TESC: variants seen among roughly 807,000 people sequenced by gnomAD.
The protein encoded by TESC is tescalcin, also known as calcineurin B homologous protein 3.
A neutral mutation model predicts 31.0 loss-of-function variants in TESC; 19 were observed. The ratio of observed to expected loss-of-function variants is 0.61; its 90% CI spans 0.43 to 0.90. The LOEUF (loss-of-function observed/expected upper bound fraction) is 0.90. Ranked by LOEUF, TESC falls within the 40% of genes least tolerant of loss-of-function variation. The pLI, the probability that TESC is intolerant of heterozygous loss-of-function variation, is 0.00. For missense variants in TESC, 248 were observed against 303.8 expected, an observed-to-expected ratio of 0.82 and a Z score of 1.36; for synonymous variants, 109 against 114.8, an observed-to-expected ratio of 0.95 and a Z score of 0.32.
chr12:117,093,102 AC>A (rs1322376915), intron 1 of TESC, among the ~76,000 whole-genome samples: 7 of 151,998 alleles, frequency 4.6e-5, no homozygotes, highest in Admixed American at 3.3e-4. Flanking sequence ...TGGCTGGTCC[AC>A]CCTGGCCCAT....
intron 6 of TESC, among the ~76,000 whole-genome samples, chr12:117,045,257 C>A (rs1029014259): frequency 6.6e-6 from 1 of 152,230 alleles, no homozygotes; most frequent in Non-Finnish European, 1.5e-5. Context: ...GCAGCGGGTA[C>A]GCCCCGGAGC....
intron 1 of TESC, among the ~76,000 whole-genome samples, chr12:117,085,121 G>A (rs890709606): frequency 6.6e-6 from 1 of 152,230 alleles, no homozygotes; most frequent in Non-Finnish European, 1.5e-5. Flanking sequence ...TGCCCAATGG[G>A]GTTCTGGGGG....
chr12:117,066,887 T>C (rs1401842182), intron 2 of TESC, among the ~76,000 whole-genome samples: 1 of 152,162 alleles, frequency 6.6e-6, no homozygotes, highest in African/African-American at 2.4e-5. Context: ...TCAACCATCC[T>C]GGGAAAAGAA....
At position 117,067,489 on chromosome 12, in the gene TESC, T is replaced by A. The variant is rs549932432; in HGVS notation, c.128+7782A>T. 3.9e-5 allele frequency among the ~76,000 whole-genome samples: 6 copies of A among 152,254 alleles called. No homozygotes were observed. In the South Asian group the frequency reaches 1.2e-3, roughly 32 times the overall value. ...CAGGAGGCTGAGGCAGGATGATCGC[T>A]TGAGCCCGGGAGTCGGAGGCTGCAG... On this transcript the variant is annotated intron_variant, in intron 2 of 7. Transcript: ENST00000335209.
intron 1 of TESC, among the ~76,000 whole-genome samples, chr12:117,096,434 A>G (rs1955396746): frequency 6.6e-6 from 1 of 152,122 alleles, no homozygotes; most frequent in Non-Finnish European, 1.5e-5. Flanking sequence ...AAATCCACAC[A>G]ATGACTTCAG....
chr12:117,052,659 G>A (rs1954664381), intron 3 of TESC, among the ~76,000 whole-genome samples: 1 of 152,104 alleles, frequency 6.6e-6, no homozygotes, highest in African/African-American at 2.4e-5. Context: ...GCTCAGCCCA[G>A]GAGATCCCTG....
intron 6 of TESC, among the ~76,000 whole-genome samples, chr12:117,045,528 C>T (rs1002873263): frequency 5.9e-5 from 9 of 152,184 alleles, no homozygotes; most frequent in East Asian, 3.9e-4. Flanking sequence ...CTGCTGAGTG[C>T]GGAGGTTTCA....
chr12:117,093,367 T>C (rs1955341613), intron 1 of TESC, among the ~76,000 whole-genome samples: 1 of 152,258 alleles, frequency 6.6e-6, no homozygotes, highest in African/African-American at 2.4e-5. Context: ...CAGTCCTCCC[T>C]GCCATCTCTA....
intron 2 of TESC, among the ~76,000 whole-genome samples, chr12:117,064,611 C>A (rs112148904): frequency 3.9e-5 from 6 of 152,236 alleles, no homozygotes; most frequent in African/African-American, 1.4e-4. Flanking sequence ...TACGGGGAAT[C>A]TAGGAGAGCA....
rs145871840 is a variant in TESC, at chr12:117,094,454, G to A, written c.58+4771C>T. 8.5e-5 allele frequency among the ~76,000 whole-genome samples: 13 copies of A among 152,250 alleles called. No individual in the cohort carries two copies. The East Asian group carries it at 2.5e-3, about 29-fold the overall frequency. On this transcript the variant is annotated intron_variant, in intron 1 of 7. Transcript: ENST00000335209. Reference sequence around the variant, plus strand: ...TCCCCAGGGACTGTGCCCCTTTAACGTGAGCCTCTTATGCTCTCACTGAAC... The same window carrying A: ...TCCCCAGGGACTGTGCCCCTTTAACATGAGCCTCTTATGCTCTCACTGAAC...
rs536719566 is a variant in TESC, at chr12:117,086,383, T to C, written c.59-11043A>G. On this transcript the variant is annotated intron_variant, in intron 1 of 7. Coordinates refer to ENST00000335209, the MANE Select transcript of TESC (RefSeq NM_017899.4). ...TCCCAAAGTGCTGGGATTACAAGCATGAGCCACTGCTCCTGGCCTGAACTG... is the reference window on the plus strand; with the variant it reads ...TCCCAAAGTGCTGGGATTACAAGCACGAGCCACTGCTCCTGGCCTGAACTG... Among the ~76,000 whole-genome samples the C allele has an allele frequency of 9.2e-5, 14 of 152,184 alleles. No individual in the cohort carries two copies. The South Asian group carries it at 2.9e-3, about 32-fold the overall frequency.
intron 1 of TESC, among the ~76,000 whole-genome samples, chr12:117,075,913 A>ATATATATATATATGTGTG (rs1265957613): frequency 1.9e-5 from 1 of 51,964 alleles, no homozygotes; most frequent in Non-Finnish European, 3.3e-5. Context: ...ATATATATAT[A>ATATATATATATATGTGTG]TGTGTGTGTG....
chr12:117,057,319 T>C (rs1954739679), intron 2 of TESC, among the ~76,000 whole-genome samples: 1 of 152,148 alleles, frequency 6.6e-6, no homozygotes, highest in South Asian at 2.1e-4. Flanking sequence ...TGGCTGGTCT[T>C]GAACTCCTGG....
chr12:117,068,479 A>C (rs1355780421), intron 2 of TESC, among the ~76,000 whole-genome samples: 1 of 152,196 alleles, frequency 6.6e-6, no homozygotes, highest in Non-Finnish European at 1.5e-5. Context: ...CAGTGAGCCA[A>C]GATCGCGCCA....
At chr12:117,061,795 TG>T (rs1222557251) in intron 2 of TESC, among the ~76,000 whole-genome samples, 6 of 152,112 alleles carry the variant, frequency 3.9e-5, no homozygotes, top group African/African-American at 1.4e-4. Context: ...TCAAAGGGGA[TG>T]GTTCAGGGTC....
At chr12:117,099,110 G>C (rs1362926352) in intron 1 of TESC, 115 bp downstream of exon 1, 2 of 1,147,420 alleles carry the variant, frequency 1.7e-6, no homozygotes, top group African/African-American at 1.6e-5. Flanking sequence ...CTGAGGCGCA[G>C]AGAGGGCCCG....
chr12:117,097,032 G>A (rs570396918), intron 1 of TESC, among the ~76,000 whole-genome samples: 70 of 152,314 alleles, frequency 4.6e-4, no homozygotes, highest in Non-Finnish European at 7.5e-4. Context: ...CCTGTCGGGC[G>A]TTTTGTTTAC....
In TESC at chr12:117,039,189, C is replaced by G; in HGVS notation, c.589G>C (p.Glu197Gln). Residue 197 changes from glutamate (E) to glutamine (Q), a missense_variant, in exon 8 of 8, where the codon GAG (glutamate) becomes CAG (glutamine). Glu to Gln is a conservative substitution (Grantham distance 29, BLOSUM62 2). Transcript: ENST00000335209. ...FLKIWQGIDI[E>Q]TKMHVRFLNM... ...AGGAAGCGGACGTGCATCTTGGTCTCAATGTCGATCCCCTGCCAGATCTGG... is the reference window on the plus strand; with the variant it reads ...AGGAAGCGGACGTGCATCTTGGTCTGAATGTCGATCCCCTGCCAGATCTGG... 1 of 1,613,936 alleles carries G rather than the reference C, an allele frequency of 6.2e-7. No individual in the cohort carries two copies. Among genetic ancestry groups the G allele is most frequent in the East Asian group, 2.2e-5 (1 of 44,860 alleles).
intron 1 of TESC, among the ~76,000 whole-genome samples, chr12:117,090,657 T>C (rs1326923451): frequency 6.6e-6 from 1 of 152,190 alleles, no homozygotes; most frequent in East Asian, 1.9e-4. Context: ...AACCCACATC[T>C]ATCTGCTGGA....
Sources: allele counts gnomAD v4.1 joint callset (sites outside exome capture counted in the v4.1 genomes callset), GRCh38; gene constraint gnomAD v4.1.1; transcripts MANE v1.5; gene names NCBI Gene and HGNC (gene_info 2026-07-23, HGNC 2026-07-21).